Variants in SGCG observed in about 807,000 individuals in gnomAD.
The protein encoded by SGCG is gamma-sarcoglycan.
Under a neutral mutation model 29.3 loss-of-function variants are expected in SGCG, and 26 were observed. The observed-to-expected ratio is 0.89, with a 90% CI of 0.65 to 1.23. The LOEUF is 1.23. SGCG is among the 50% of genes most tolerant of loss of function. The probability of loss-of-function intolerance (pLI) is 0.00; values close to 1 mark genes in which losing one functional copy is unlikely to be tolerated. For synonymous variants in SGCG, 145 were observed against 129.7 expected, an observed-to-expected ratio of 1.12 and a Z score of -0.80; for missense variants, 353 against 356.0, an observed-to-expected ratio of 0.99 and a Z score of 0.07.
rs9510643 is a variant in SGCG, at chr13:23,234,329, A to T, written c.196-282A>T. 0.67 allele frequency among the ~76,000 whole-genome samples: 100,758 copies of T among 151,212 alleles called. 33,886 individuals are homozygous for T. The highest frequency in any genetic ancestry group is 0.91 in the East Asian group (4,669 of 5,158). ...ATTGTACCTTAATTTAATTTTTTTT[A>T]AAAAAATGGATTCTTTTTCTTACAT... On this transcript the variant is annotated intron_variant, in intron 2 of 7. Coordinates refer to ENST00000218867, the MANE Select transcript of SGCG (RefSeq NM_000231.3).
At chr13:23,298,812 A>G (rs1348489798) in intron 6 of SGCG, among the ~76,000 whole-genome samples, 1 of 152,198 alleles carries the variant, frequency 6.6e-6, no homozygotes. Flanking sequence ...TTCTCACTGT[A>G]TATACGGCAG....
At chr13:23,267,535 T>G (rs1880684965) in intron 4 of SGCG, 3 of 152,256 alleles carry the variant, frequency 2.0e-5, no homozygotes, top group Non-Finnish European at 2.9e-5. Flanking sequence ...TGATCTTCCT[T>G]TGAAATAAGA....
intron 2 of SGCG, among the ~76,000 whole-genome samples, chr13:23,215,783 T>C (rs1031340682): frequency 6.7e-6 from 1 of 148,784 alleles, no homozygotes; most frequent in Non-Finnish European, 1.5e-5. Context: ...TAGGTGTTAA[T>C]AGAGTAAGCT....
At chr13:23,253,917 G>A (rs1037044949) in intron 4 of SGCG, among the ~76,000 whole-genome samples, 1 of 152,130 alleles carries the variant, frequency 6.6e-6, no homozygotes, top group Non-Finnish European at 1.5e-5. Flanking sequence ...TTGCCTTCTG[G>A]AATGATAGGA....
At chr13:23,307,775 G>A (rs1882412696) in intron 6 of SGCG, among the ~76,000 whole-genome samples, 1 of 152,000 alleles carries the variant, frequency 6.6e-6, no homozygotes. Context: ...TAATTTCAAG[G>A]CTCATCATTG....
chr13:23,210,276 G>A (rs751023371), intron 2 of SGCG, among the ~76,000 whole-genome samples: 1 of 152,080 alleles, frequency 6.6e-6, no homozygotes, highest in Non-Finnish European at 1.5e-5. Flanking sequence ...TAATATGAGT[G>A]ATCATTTTAG....
At chr13:23,254,886 A>G (rs1296194904) in intron 4 of SGCG, among the ~76,000 whole-genome samples, 1 of 152,228 alleles carries the variant, frequency 6.6e-6, no homozygotes, top group Non-Finnish European at 1.5e-5. Flanking sequence ...TAGCTTCCAC[A>G]TGGTGTTAAG....
intron 4 of SGCG, among the ~76,000 whole-genome samples, chr13:23,256,873 C>T (rs748561265): frequency 2.6e-4 from 40 of 152,142 alleles, no homozygotes; most frequent in Admixed American, 7.2e-4. Context: ...GCATGACTTA[C>T]AATCTTTTGG....
chr13:23,319,252 C>A (rs1208336462), intron 6 of SGCG, among the ~76,000 whole-genome samples: 6 of 150,774 alleles, frequency 4.0e-5, no homozygotes, highest in Admixed American at 2.7e-4. Flanking sequence ...GAGCCAAGAC[C>A]ACACCACTGT....
intron 2 of SGCG, among the ~76,000 whole-genome samples, chr13:23,233,106 T>A (rs1879172601): frequency 6.6e-6 from 1 of 152,204 alleles, no homozygotes; most frequent in African/African-American, 2.4e-5. Context: ...AAAGAGATAT[T>A]CGCACACCCA....
rs765762699 is a variant in SGCG at position 23,324,576 on chromosome 13, C to T, written c.*35C>T. Reference sequence around the variant, plus strand: ...GTCCTCTCGGTGAGCTGTGCAGTGCCGGCCCCAGATCCTCACACCCAGGGA... The same window carrying T: ...GTCCTCTCGGTGAGCTGTGCAGTGCTGGCCCCAGATCCTCACACCCAGGGA... On this transcript the variant is annotated 3_prime_UTR_variant, in exon 8 of 8. Coordinates refer to ENST00000218867, the MANE Select transcript of SGCG (RefSeq NM_000231.3). 18 of 1,584,826 alleles carry T rather than the reference C, an allele frequency of 1.1e-5. No homozygotes were observed. The South Asian group carries it at 1.5e-4, about 14-fold the overall frequency.
intron 2 of SGCG, among the ~76,000 whole-genome samples, chr13:23,221,950 G>T (rs945085644): frequency 1.6e-4 from 25 of 152,160 alleles, no homozygotes; most frequent in African/African-American, 5.8e-4. Flanking sequence ...GAAATAACTT[G>T]TTCGATTAGT....
intron 1 of SGCG, among the ~76,000 whole-genome samples, chr13:23,195,408 T>A (rs1270409628): frequency 6.6e-6 from 1 of 152,236 alleles, no homozygotes; most frequent in East Asian, 1.9e-4. Flanking sequence ...ACCAGTTTTA[T>A]AAGCTAACAT....
intron 6 of SGCG, among the ~76,000 whole-genome samples, chr13:23,304,697 G>T (rs1882298249): frequency 6.6e-6 from 1 of 152,034 alleles, no homozygotes; most frequent in South Asian, 2.1e-4. Context: ...TCTGCCTCCT[G>T]GGTTCAAGCG....
chr13:23,221,530 A>G (rs1207942152), intron 2 of SGCG, among the ~76,000 whole-genome samples: 4 of 152,174 alleles, frequency 2.6e-5, no homozygotes, highest in Non-Finnish European at 4.4e-5. Flanking sequence ...GTCATTGAAC[A>G]CAGTTTTCTT....
At position 23,219,648 on chromosome 13, in the gene SGCG, T is replaced by G. The variant is rs1044458739; in HGVS notation, c.196-14963T>G. Among the ~76,000 whole-genome samples, 114 of 152,210 alleles carry G rather than the reference T, an allele frequency of 7.5e-4. 1 individual carries two copies. Among genetic ancestry groups the G allele is most frequent in the African/African-American group, 2.7e-3 (113 of 41,552 alleles). The stretch of plus-strand genomic sequence containing the variant: ...TGTTCTCACAACAAAGAAATAAATA[T>G]TTTAGATAATGGATATGTTCATTAA... On this transcript the variant is annotated intron_variant, in intron 2 of 7. Coordinates refer to ENST00000218867, the MANE Select transcript of SGCG (RefSeq NM_000231.3).
chr13:23,233,534 G>C (rs1278677447), intron 2 of SGCG, among the ~76,000 whole-genome samples: 1 of 152,122 alleles, frequency 6.6e-6, no homozygotes, highest in East Asian at 1.9e-4. Flanking sequence ...GGGGAGAATG[G>C]GGAGTTAGTT....
chr13:23,249,565 T>G (rs572307467), intron 3 of SGCG, among the ~76,000 whole-genome samples: 1 of 152,194 alleles, frequency 6.6e-6, no homozygotes, highest in South Asian at 2.1e-4. Flanking sequence ...AAAAATGTGA[T>G]TTTTAAAAAA....
At chr13:23,222,519 C>G (rs1593181537) in intron 2 of SGCG, among the ~76,000 whole-genome samples, 1 of 146,624 alleles carries the variant, frequency 6.8e-6, no homozygotes, top group Admixed American at 6.9e-5. Flanking sequence ...TCTTTCCCCC[C>G]TTCTGATTAA....
Sources: gnomAD v4.1 joint callset for allele counts (sites outside exome capture counted in the v4.1 genomes callset) on GRCh38, gnomAD v4.1.1 for gene constraint, MANE v1.5 for transcripts, NCBI Gene and HGNC (gene_info 2026-07-23, HGNC 2026-07-21) for gene names.